Variants in SEZ6L observed in about 807,000 individuals in gnomAD.
SEZ6L encodes the protein seizure 6-like protein.
A neutral mutation model predicts 106.2 loss-of-function variants in SEZ6L; 37 were observed. That is an observed-to-expected ratio of 0.35 (90% CI 0.27 to 0.46). The LOEUF (loss-of-function observed/expected upper bound fraction) is 0.46. SEZ6L is among the 20% of genes least tolerant of loss of function. The probability of loss-of-function intolerance (pLI) is 1.00; values close to 1 mark genes in which losing one functional copy is unlikely to be tolerated. For missense variants in SEZ6L, 1,172 were observed against 1,332.8 expected, an observed-to-expected ratio of 0.88 and a Z score of 1.88; for synonymous variants, 541 against 570.4, an observed-to-expected ratio of 0.95 and a Z score of 0.73.
At chr22:26,318,559 G>T (rs1304935776) in intron 9 of SEZ6L, among the ~76,000 whole-genome samples, 1 of 152,076 alleles carries the variant, frequency 6.6e-6, no homozygotes, top group Non-Finnish European at 1.5e-5. Flanking sequence ...TATTTGTAAG[G>T]TCTTTACTAA....
chr22:26,327,794 G>C (rs116663062), intron 9 of SEZ6L, among the ~76,000 whole-genome samples: 20 of 152,296 alleles, frequency 1.3e-4, no homozygotes, highest in African/African-American at 4.8e-4. Context: ...CTCAAGGTGA[G>C]CTCTCGCACC....
intron 8 of SEZ6L, among the ~76,000 whole-genome samples, chr22:26,313,114 G>T (rs9613158): frequency 1.5e-3 from 234 of 152,356 alleles, no homozygotes; most frequent in Non-Finnish European, 2.8e-3. Flanking sequence ...ACACAGAGTA[G>T]AATTTAAAGG....
At chr22:26,245,506 G>A (rs2079306280) in intron 1 of SEZ6L, among the ~76,000 whole-genome samples, 1 of 152,064 alleles carries the variant, frequency 6.6e-6, no homozygotes, top group African/African-American at 2.4e-5. Context: ...TGGGGACTTG[G>A]GCCACCTGGA....
At chr22:26,329,745 A>G (rs897664009) in intron 9 of SEZ6L, among the ~76,000 whole-genome samples, 1 of 152,162 alleles carries the variant, frequency 6.6e-6, no homozygotes, top group South Asian at 2.1e-4. Context: ...GGCTCAGTTT[A>G]CTCCTCTATG....
intron 13 of SEZ6L, among the ~76,000 whole-genome samples, chr22:26,370,040 C>T (rs1202244871): frequency 6.6e-6 from 1 of 152,130 alleles, no homozygotes; most frequent in Non-Finnish European, 1.5e-5. Flanking sequence ...ATTAATTTGA[C>T]ATTGTTGATG....
intron 1 of SEZ6L, among the ~76,000 whole-genome samples, chr22:26,184,044 C>T (rs971129286): frequency 1.6e-4 from 24 of 152,276 alleles, no homozygotes; most frequent in African/African-American, 5.1e-4. Context: ...AGAAACTCCA[C>T]CATGGAACAG....
At chr22:26,239,682 G>A (rs2079054678) in intron 1 of SEZ6L, among the ~76,000 whole-genome samples, 1 of 152,084 alleles carries the variant, frequency 6.6e-6, no homozygotes, top group Non-Finnish European at 1.5e-5. Flanking sequence ...GATCCAAGGG[G>A]CAACTTATCT....
At chr22:26,323,170 C>G (rs2082205975) in intron 9 of SEZ6L, among the ~76,000 whole-genome samples, 1 of 152,174 alleles carries the variant, frequency 6.6e-6, no homozygotes, top group African/African-American at 2.4e-5. Context: ...CATAAAAGCG[C>G]CTAGAGTCAA....
At chr22:26,316,194 G>A (rs2145932480) in intron 9 of SEZ6L, among the ~76,000 whole-genome samples, 1 of 152,204 alleles carries the variant, frequency 6.6e-6, no homozygotes, top group East Asian at 1.9e-4. Flanking sequence ...TATCAACCAA[G>A]CACAATTTTA....
chr22:26,364,873 T>A (rs2083753978), intron 12 of SEZ6L: 1 of 154,596 alleles, frequency 6.5e-6, no homozygotes, highest in Non-Finnish European at 1.4e-5. Flanking sequence ...GACGTAGTCA[T>A]AATGGATGCG....
At chr22:26,213,002 T>C (rs1341959015) in intron 1 of SEZ6L, among the ~76,000 whole-genome samples, 1 of 152,174 alleles carries the variant, frequency 6.6e-6, no homozygotes, top group African/African-American at 2.4e-5. Flanking sequence ...GAAGCCCTGT[T>C]ATCAGAACCA....
chr22:26,287,149 C>T (rs1236767943), intron 1 of SEZ6L, among the ~76,000 whole-genome samples: 6 of 151,606 alleles, frequency 4.0e-5, no homozygotes, highest in South Asian at 2.1e-4. Flanking sequence ...AAGAGAGATA[C>T]GCTGCTGCCC....
At chr22:26,285,674 C>T (rs677499) in intron 1 of SEZ6L, among the ~76,000 whole-genome samples, 67,197 of 151,972 alleles carry the variant, frequency 0.44, 16,273 homozygotes, top group Non-Finnish European at 0.56. Context: ...TTTCCTACAA[C>T]GCATAGAGCA....
At chr22:26,378,238 T>C (rs1191209136) in intron 16 of SEZ6L, among the ~76,000 whole-genome samples, 1 of 152,232 alleles carries the variant, frequency 6.6e-6, no homozygotes, top group Admixed American at 6.5e-5. Context: ...TTGTGAATTA[T>C]TATTATCAAT....
intron 1 of SEZ6L, among the ~76,000 whole-genome samples, chr22:26,237,533 A>T (rs2078990539): frequency 6.6e-6 from 1 of 152,256 alleles, no homozygotes; most frequent in South Asian, 2.1e-4. Context: ...GGTTGTTAGG[A>T]GGATGAAGTG....
chr22:26,181,046 T>C (rs117884477), intron 1 of SEZ6L, among the ~76,000 whole-genome samples: 1,597 of 152,300 alleles, frequency 0.01, 23 homozygotes, highest in South Asian at 0.083. Context: ...AGCCTCAGTT[T>C]CCGTCTGCAA....
chr22:26,177,540 G>T lies in SEZ6L; in HGVS notation c.94+7777G>T, dbSNP rs1485094667. ...TTATTGTTGAATCTGCCTTCTCTTAGGTCTCTGGCAGCTGCAAAAACAGCA... is the reference window on the plus strand; with the variant it reads ...TTATTGTTGAATCTGCCTTCTCTTATGTCTCTGGCAGCTGCAAAAACAGCA... On this transcript the variant is annotated intron_variant, in intron 1 of 16. Coordinates refer to ENST00000248933, the MANE Select transcript of SEZ6L (RefSeq NM_021115.5). Among the ~76,000 whole-genome samples, 3 of 152,150 alleles carry T rather than the reference G, an allele frequency of 2.0e-5. No individual in the cohort carries two copies. In the East Asian group the frequency reaches 5.8e-4, roughly 29 times the overall value.
Position 26,380,357 on chromosome 22 carries a change from C to A in SEZ6L, c.*62C>A. 7.2e-7 allele frequency: 1 copy of A among 1,395,424 alleles called. No homozygotes were observed. The highest frequency in any genetic ancestry group is 1.0e-6 in the Non-Finnish European group (1 of 984,800). 86.4% of individuals were successfully genotyped at this position (1,395,424 alleles called of 1,614,324 possible). ...ACCACAATCTCCTCGAGACATTCATCCAGAGACCATGTGGCACTTGATTGA... is the reference window on the plus strand; with the variant it reads ...ACCACAATCTCCTCGAGACATTCATACAGAGACCATGTGGCACTTGATTGA... On this transcript the variant is annotated 3_prime_UTR_variant, in exon 17 of 17. Coordinates refer to ENST00000248933, the MANE Select transcript of SEZ6L (RefSeq NM_021115.5).
At chr22:26,348,577 A>G (rs1447630413) in intron 11 of SEZ6L, among the ~76,000 whole-genome samples, 16 of 91,154 alleles carry the variant, frequency 1.8e-4, no homozygotes, top group African/African-American at 4.7e-4. Flanking sequence ...AAAGAAAGAA[A>G]GAAAGAAAGA....
Sources: allele counts gnomAD v4.1 joint callset (sites outside exome capture counted in the v4.1 genomes callset), GRCh38; gene constraint gnomAD v4.1.1; transcripts MANE v1.5; gene names NCBI Gene and HGNC (gene_info 2026-07-23, HGNC 2026-07-21).